Variants in CDH19 observed in about 807,000 individuals in gnomAD.
CDH19 encodes cadherin 19.
CDH19 carries 67 observed loss-of-function variants against 64.2 expected under a neutral mutation model. The ratio of observed to expected loss-of-function variants is 1.04; its 90% CI spans 0.86 to 1.28. CDH19 has a LOEUF of 1.28. CDH19 is among the 50% of genes most tolerant of loss of function. The pLI is 0.00. For synonymous variants in CDH19, 346 were observed against 319.3 expected (o/e 1.08, Z -0.89); for missense variants, 1,030 against 929.0 (o/e 1.11, Z -1.41).
At chr18:66,538,214 T>C (rs746212018) in intron 7 of CDH19, among the ~76,000 whole-genome samples, 1 of 152,134 alleles carries the variant, frequency 6.6e-6, no homozygotes. Flanking sequence ...ATTACTTAGG[T>C]TGTATTTTCC....
intron 5 of CDH19, among the ~76,000 whole-genome samples, chr18:66,545,737 AG>A (rs1356947493): frequency 6.6e-6 from 1 of 152,138 alleles, no homozygotes; most frequent in African/African-American, 2.4e-5. Flanking sequence ...CAAATAGTAG[AG>A]TTCCAAGAAC....
At chr18:66,511,937 CA>C (rs1310222025) in intron 9 of CDH19, among the ~76,000 whole-genome samples, 1 of 151,420 alleles carries the variant, frequency 6.6e-6, no homozygotes. Flanking sequence ...AGGTGGATTC[CA>C]AAAGCTGTTT....
intron 7 of CDH19, among the ~76,000 whole-genome samples, chr18:66,535,636 CAT>C (rs1190690090): frequency 6.9e-6 from 1 of 145,642 alleles, no homozygotes; most frequent in East Asian, 2.0e-4. Flanking sequence ...TATATATAAA[CAT>C]ATATATAATA....
At chr18:66,572,429 CATTTA>C (rs1266448577) in intron 1 of CDH19, 113 bp from the exon 2 acceptor site, 1 of 359,086 alleles carries the variant, frequency 2.8e-6, no homozygotes, top group Admixed American at 4.2e-5. Flanking sequence ...TAAAAATAAA[CATTTA>C]ATTTATCTTC....
At chr18:66,543,764 TC>T (rs1262071029) in intron 7 of CDH19, among the ~76,000 whole-genome samples, 1 of 151,886 alleles carries the variant, frequency 6.6e-6, no homozygotes, top group African/African-American at 2.4e-5. Flanking sequence ...ATGCCTATAG[TC>T]CCAGCTACTA....
chr18:66,558,691 C>G (rs1275406300), intron 3 of CDH19, among the ~76,000 whole-genome samples: 2 of 152,012 alleles, frequency 1.3e-5, no homozygotes, highest in Admixed American at 6.6e-5. Flanking sequence ...TTATCGTCCA[C>G]ATAAAATTGA....
Position 66,539,468 on chromosome 18 carries a change from G to C in CDH19, c.1215-4361C>G, listed in dbSNP as rs138794204. Among the ~76,000 whole-genome samples the C allele has an allele frequency of 3.4e-3, 523 of 152,096 alleles. 2 individuals are homozygous for C. Among genetic ancestry groups the C allele is most frequent in the Non-Finnish European group, 6.3e-3 (425 of 67,968 alleles). On this transcript the variant is annotated intron_variant, in intron 7 of 11. Coordinates refer to ENST00000262150, the MANE Select transcript of CDH19 (RefSeq NM_021153.4). ...TCATATTGTGCTGATTGTGCTGATA[G>C]TTTTTATAATAAGTTAATTTTGAAT...
intron 9 of CDH19, among the ~76,000 whole-genome samples, chr18:66,523,284 T>C (rs1474245249): frequency 6.6e-6 from 1 of 152,130 alleles, no homozygotes; most frequent in Non-Finnish European, 1.5e-5. Context: ...TCTAATAGAA[T>C]TCTAAGCTAT....
intron 1 of CDH19, among the ~76,000 whole-genome samples, chr18:66,590,357 G>A (rs1416166965): frequency 6.6e-6 from 1 of 151,724 alleles, no homozygotes; most frequent in Non-Finnish European, 1.5e-5. Flanking sequence ...GTTCTATTAT[G>A]TTGCTATTTT....
chr18:66,572,069 C>A lies in CDH19; in HGVS notation c.136G>T (p.Val46Leu), dbSNP rs764035298. 1.2e-6 allele frequency: 2 copies of A among 1,611,330 alleles called. No homozygotes were observed. Among genetic ancestry groups the A allele is most frequent in the African/African-American group, 1.3e-5 (1 of 74,716 alleles). The part of the protein sequence containing the change: ...RSHLRVKRGW[V>L]WNQFFVPEEM... ...TCTGGTACAAAAAATTGGTTCCACA[C>A]CCAGCCACGCTTCACTCTCAAATGA... The change falls in exon 2 of 12, where the codon GTG becomes TTG. Residue 46 changes from valine to leucine, a missense_variant. Transcript: ENST00000262150.
At chr18:66,509,895 A>G (rs1325012486) in intron 10 of CDH19, among the ~76,000 whole-genome samples, 1 of 151,900 alleles carries the variant, frequency 6.6e-6, no homozygotes, top group East Asian at 1.9e-4. Context: ...TTATTAATCT[A>G]TTTTGTATTT....
At position 66,551,165 on chromosome 18, in the gene CDH19, G is replaced by A. The variant is rs754546870; in HGVS notation, c.704C>T (p.Ala235Val). ...TAATACACTTGTTGTTCCAGACAAC[G>A]CTCCTGGCTGACCAATCATGTCCTT... ...QAKDMIGQPGALSGTTSVLIK... is the reference protein window; with the variant it reads ...QAKDMIGQPGVLSGTTSVLIK... Residue 235 changes from alanine to valine, a missense_variant, in exon 5 of 12, where the codon GCG (alanine) becomes GTG (valine). Physicochemically the swap from Ala to Val is moderately conservative, Grantham distance 64. Transcript: ENST00000262150. 1.9e-6 allele frequency: 3 copies of A among 1,605,958 alleles called. No individual in the cohort carries two copies. The highest frequency in any genetic ancestry group is 1.7e-6 in the Non-Finnish European group (2 of 1,173,038).
rs754603188 is a variant in CDH19 at position 66,501,314 on chromosome 18, C to T, written c.*3498G>A. On this transcript the variant is annotated 3_prime_UTR_variant, in exon 12 of 12. Transcript: ENST00000262150. The stretch of plus-strand genomic sequence containing the variant: ...GTTACATTCTAATAAGCGATAAAGA[C>T]AACAATAATACCAGGGAGCTGAGTA... 4 of 152,070 alleles carry T rather than the reference C, an allele frequency of 2.6e-5. No homozygotes were observed. Among genetic ancestry groups the T allele is most frequent in the African/African-American group, 7.2e-5 (3 of 41,412 alleles). 9.4% of individuals were successfully genotyped at this position (152,070 alleles called of 1,614,324 possible). A position where few individuals can be genotyped will look rare whatever the true frequency, so the allele number is the denominator to read the frequency against.
At chr18:66,602,470 T>G (rs1231616159) in intron 1 of CDH19, among the ~76,000 whole-genome samples, 1 of 151,910 alleles carries the variant, frequency 6.6e-6, no homozygotes, top group East Asian at 1.9e-4. Flanking sequence ...TTTTTTATGT[T>G]TCTTGAGGAA....
intron 1 of CDH19, among the ~76,000 whole-genome samples, chr18:66,601,664 T>C (rs979517259): frequency 6.6e-6 from 1 of 151,914 alleles, no homozygotes; most frequent in Non-Finnish European, 1.5e-5. Context: ...TATTCTAGAG[T>C]ATGTTTTAAA....
intron 7 of CDH19, 118 bp from the exon 8 acceptor site, chr18:66,535,225 T>C (rs1330890841): frequency 2.1e-6 from 1 of 479,818 alleles, no homozygotes; most frequent in East Asian, 3.5e-5. Flanking sequence ...AGCCAATATA[T>C]AATACCGAAC....
intron 9 of CDH19, among the ~76,000 whole-genome samples, chr18:66,521,374 T>C (rs1985974852): frequency 6.6e-6 from 1 of 152,154 alleles, no homozygotes; most frequent in Non-Finnish European, 1.5e-5. Flanking sequence ...AGTCATTTAC[T>C]ACATCAACAC....
At chr18:66,567,595 A>G (rs145528926) in intron 3 of CDH19, among the ~76,000 whole-genome samples, 5 of 152,032 alleles carry the variant, frequency 3.3e-5, no homozygotes, top group African/African-American at 9.6e-5. Context: ...ATATGATGAA[A>G]TATGTATTTT....
At chr18:66,589,703 A>T (rs1988686851) in intron 1 of CDH19, among the ~76,000 whole-genome samples, 1 of 102,638 alleles carries the variant, frequency 9.7e-6, no homozygotes, top group African/African-American at 3.5e-5. Context: ...ACATGATTTT[A>T]TAAAACACAA....
Sources: allele counts gnomAD v4.1 joint callset (sites outside exome capture counted in the v4.1 genomes callset), GRCh38; gene constraint gnomAD v4.1.1; transcripts MANE v1.5; gene names NCBI Gene and HGNC (gene_info 2026-07-23, HGNC 2026-07-21).